MYO1D: variants seen among roughly 807,000 people sequenced by gnomAD.
MYO1D encodes myosin ID.
Under a neutral mutation model 122.0 loss-of-function variants are expected in MYO1D, and 83 were observed. The ratio of observed to expected loss-of-function variants is 0.68; its 90% confidence interval spans 0.57 to 0.82. MYO1D has a LOEUF of 0.82. MYO1D is among the 40% of genes least tolerant of loss of function. The probability of loss-of-function intolerance (pLI) is 0.00; values close to 1 mark genes in which losing one functional copy is unlikely to be tolerated. For synonymous variants in MYO1D, 464 were observed against 446.9 expected (o/e 1.04, Z -0.48); for missense variants, 1,157 against 1,269.5 (o/e 0.91, Z 1.35).
chr17:32,711,878 A>G, intron 16 of MYO1D, 110 bp downstream of exon 16: 2 of 958,250 alleles, frequency 2.1e-6, no homozygotes, highest in South Asian at 1.8e-5. Flanking sequence ...ATGCATAGAC[A>G]TAAAACAACA....
At chr17:32,868,914 T>G (rs2091153493) in intron 1 of MYO1D, among the ~76,000 whole-genome samples, 1 of 152,092 alleles carries the variant, frequency 6.6e-6, no homozygotes, top group Non-Finnish European at 1.5e-5. Context: ...CATTGTTCTA[T>G]TCAAGAGATC....
At chr17:32,855,758 G>C (rs930020501) in intron 1 of MYO1D, among the ~76,000 whole-genome samples, 1 of 152,148 alleles carries the variant, frequency 6.6e-6, no homozygotes, top group African/African-American at 2.4e-5. Flanking sequence ...GTCTGTAGAA[G>C]CCAAAATAAA....
chr17:32,505,535 G>T (rs890936271), intron 21 of MYO1D: 6 of 151,512 alleles, frequency 4.0e-5, no homozygotes, highest in Non-Finnish European at 7.3e-5. Context: ...GCAAGGGAAT[G>T]AGGACCGAGG....
intron 16 of MYO1D, among the ~76,000 whole-genome samples, chr17:32,701,168 T>C (rs1169267546): frequency 1.3e-5 from 2 of 151,216 alleles, no homozygotes; most frequent in Non-Finnish European, 2.9e-5. Flanking sequence ...TCTGTTCAAT[T>C]AAATTAGAGA....
rs1335796222 is a variant in MYO1D at position 32,638,713 on chromosome 17, A to G, written c.2709+9T>C. 8 of 1,572,006 alleles carry G rather than the reference A, an allele frequency of 5.1e-6. No individual in the cohort carries two copies. The highest frequency in any genetic ancestry group is 7.0e-6 in the Non-Finnish European group (8 of 1,142,384). Reference sequence around the variant, plus strand: ...AATCTTTATCCAGAGAGAAGCACAGAGGACTTACATTGTATAGAGGGATAG... The same window carrying G: ...AATCTTTATCCAGAGAGAAGCACAGGGGACTTACATTGTATAGAGGGATAG... On this transcript the variant is annotated intron_variant, in intron 20 of 21. Transcript: ENST00000318217.
At chr17:32,662,269 G>A (rs1026724250) in intron 16 of MYO1D, among the ~76,000 whole-genome samples, 4 of 152,154 alleles carry the variant, frequency 2.6e-5, no homozygotes, top group African/African-American at 9.7e-5. Flanking sequence ...TTCCTTGAAA[G>A]TAAAAAGCAG....
intron 1 of MYO1D, among the ~76,000 whole-genome samples, chr17:32,814,135 A>T (rs2090594501): frequency 6.6e-6 from 1 of 152,156 alleles, no homozygotes; most frequent in Non-Finnish European, 1.5e-5. Context: ...CATGAGGTCA[A>T]GAGATCGAGA....
chr17:32,739,122 T>C (rs1343513932), intron 13 of MYO1D, among the ~76,000 whole-genome samples: 5 of 152,216 alleles, frequency 3.3e-5, no homozygotes, highest in African/African-American at 1.2e-4. Context: ...CTGTCATTTT[T>C]TTTCTGGTTT....
At chr17:32,848,342 C>CAGGG (rs1465631827) in intron 1 of MYO1D, among the ~76,000 whole-genome samples, 2 of 152,114 alleles carry the variant, frequency 1.3e-5, no homozygotes, top group Admixed American at 1.3e-4. Flanking sequence ...GGGAAAGGGG[C>CAGGG]AGGATGTCTG....
At chr17:32,552,229 C>T (rs568514349) in intron 21 of MYO1D, among the ~76,000 whole-genome samples, 32 of 152,294 alleles carry the variant, frequency 2.1e-4, no homozygotes, top group African/African-American at 7.7e-4. Flanking sequence ...GCACACACTA[C>T]CACACCTGGC....
At chr17:32,505,027 C>T (rs1445778704) in intron 21 of MYO1D, 1 of 152,784 alleles carries the variant, frequency 6.5e-6, no homozygotes, top group Non-Finnish European at 1.5e-5. Context: ...TCTCTCCTTC[C>T]TGGTTACTGT....
chr17:32,641,448 C>T (rs1296049854), intron 19 of MYO1D, among the ~76,000 whole-genome samples: 1 of 152,104 alleles, frequency 6.6e-6, no homozygotes, highest in Non-Finnish European at 1.5e-5. Flanking sequence ...AGCATATACC[C>T]AGTAATGGGA....
chr17:32,722,900 G>A (rs986493224), intron 14 of MYO1D, among the ~76,000 whole-genome samples: 1 of 152,042 alleles, frequency 6.6e-6, no homozygotes, highest in Non-Finnish European at 1.5e-5. Flanking sequence ...GATGGGAGCT[G>A]GTCACCAGAA....
intron 1 of MYO1D, among the ~76,000 whole-genome samples, chr17:32,851,679 G>C (rs1220878881): frequency 1.3e-5 from 2 of 152,200 alleles, no homozygotes; most frequent in African/African-American, 4.8e-5. Flanking sequence ...GACCCAGGGG[G>C]GTGGTTTCAG....
chr17:32,516,711 A>G (rs1909904547), intron 21 of MYO1D, among the ~76,000 whole-genome samples: 1 of 152,254 alleles, frequency 6.6e-6, no homozygotes, highest in African/African-American at 2.4e-5. Flanking sequence ...TGGGCAGTTT[A>G]GGCAAATTTC....
At chr17:32,594,847 T>G (rs1183594833) in intron 21 of MYO1D, among the ~76,000 whole-genome samples, 3 of 152,094 alleles carry the variant, frequency 2.0e-5, no homozygotes, top group Non-Finnish European at 4.4e-5. Context: ...AGTCTTCTAC[T>G]TATTATGAAA....
chr17:32,650,689 T>C (rs1363537317), intron 19 of MYO1D, among the ~76,000 whole-genome samples: 1 of 152,158 alleles, frequency 6.6e-6, no homozygotes, highest in Non-Finnish European at 1.5e-5. Context: ...TCCCATTGAG[T>C]ATGTTTTTTC....
chr17:32,639,204 A>T (rs2088152244), intron 19 of MYO1D, among the ~76,000 whole-genome samples: 1 of 152,194 alleles, frequency 6.6e-6, no homozygotes, highest in South Asian at 2.1e-4. Context: ...CTAAAAGGAA[A>T]ATAACCCAAT....
At chr17:32,830,867 G>A (rs2090765774) in intron 1 of MYO1D, among the ~76,000 whole-genome samples, 1 of 152,146 alleles carries the variant, frequency 6.6e-6, no homozygotes, top group Admixed American at 6.5e-5. Context: ...AGACCAACCT[G>A]TGTAACGGTG....
Sources: allele counts gnomAD v4.1 joint callset (sites outside exome capture counted in the v4.1 genomes callset), GRCh38; gene constraint gnomAD v4.1.1; transcripts MANE v1.5; gene names NCBI Gene and HGNC (gene_info 2026-07-23, HGNC 2026-07-21).